CCDC13: variants seen among roughly 807,000 people sequenced by gnomAD.
CCDC13 encodes the protein coiled-coil domain containing 13.
In CCDC13, 70 loss-of-function variants were observed where a neutral mutation model predicts 87.3. That is an observed-to-expected ratio of 0.80 (90% confidence interval 0.66 to 0.98). The LOEUF is 0.98. CCDC13 is among the 50% of genes least tolerant of loss of function. The pLI is 0.00. For synonymous variants in CCDC13, 317 were observed against 360.3 expected (o/e 0.88, Z 1.36); for missense variants, 842 against 892.0 (o/e 0.94, Z 0.71).
intron 15 of CCDC13, 80 bp from the exon 16 acceptor site, chr3:42,709,219 G>A (rs1698244981): frequency 1.4e-6 from 2 of 1,439,016 alleles, no homozygotes; most frequent in East Asian, 4.8e-5. Flanking sequence ...CTGGGAATGT[G>A]GTTGCCAGCA....
intron 15 of CCDC13, 53 bp downstream of exon 15, chr3:42,709,631 G>A: frequency 7.2e-7 from 1 of 1,386,918 alleles, no homozygotes; most frequent in Non-Finnish European, 1.0e-6. Flanking sequence ...GCCCATGGAG[G>A]CACCTCTGCT....
chr3:42,728,260 G>GCC (rs1698736662), intron 13 of CCDC13, among the ~76,000 whole-genome samples: 1 of 152,188 alleles, frequency 6.6e-6, no homozygotes, highest in Admixed American at 6.5e-5. Context: ...GGTGGGGGCA[G>GCC]CCACGCAGAG....
chr3:42,753,821 T>C (rs1237428651), intron 3 of CCDC13, among the ~76,000 whole-genome samples: 2 of 152,110 alleles, frequency 1.3e-5, no homozygotes, highest in African/African-American at 2.4e-5. Flanking sequence ...GCTTAGAGTA[T>C]CTGAGGACCA....
chr3:42,708,847 C>T lies in CCDC13; in HGVS notation c.*133G>A, dbSNP rs1022494798. ...ATTGGTTTTGGTCATCCTTAAGGAGCCTCTTCTGGTAGAAGTGGTTGAGCT... is the reference window on the plus strand; with the variant it reads ...ATTGGTTTTGGTCATCCTTAAGGAGTCTCTTCTGGTAGAAGTGGTTGAGCT... On this transcript the variant is annotated 3_prime_UTR_variant, in exon 16 of 16. Transcript: ENST00000310232. 2.2e-6 allele frequency: 2 copies of T among 904,408 alleles called. No homozygotes were observed. The highest frequency in any genetic ancestry group is 3.3e-6 in the Non-Finnish European group (2 of 612,724). The allele number at this position is 904,408 out of a possible 1,614,324, so 56.0% of individuals were successfully genotyped here. A position where few individuals can be genotyped will look rare whatever the true frequency, so the allele number is the denominator to read the frequency against.
chr3:42,749,840 A>G (rs974112290), intron 5 of CCDC13: 16 of 456,494 alleles, frequency 3.5e-5, no homozygotes, highest in Admixed American at 4.7e-5. Context: ...TGAAGCCCCA[A>G]GCAGAGGGAA....
At chr3:42,755,794 T>A (rs1333795857) in intron 3 of CCDC13, among the ~76,000 whole-genome samples, 1 of 152,124 alleles carries the variant, frequency 6.6e-6, no homozygotes, top group Non-Finnish European at 1.5e-5. Flanking sequence ...AAGAGACAGT[T>A]AACAATGAGA....
chr3:42,733,126 G>A (rs1303774523), intron 11 of CCDC13, among the ~76,000 whole-genome samples, 156 bp from the exon 12 acceptor site: 1 of 152,214 alleles, frequency 6.6e-6, no homozygotes, highest in Non-Finnish European at 1.5e-5. Context: ...CAGAACTCTT[G>A]TTTGCTCAAA....
chr3:42,743,874 G>T (rs1180657270), intron 7 of CCDC13, among the ~76,000 whole-genome samples: 2 of 151,932 alleles, frequency 1.3e-5, no homozygotes, highest in Non-Finnish European at 2.9e-5. Context: ...GGGAAGGCAG[G>T]GTTTGGAAAC....
At chr3:42,718,334 A>C (rs1222166505) in intron 13 of CCDC13, among the ~76,000 whole-genome samples, 2 of 152,190 alleles carry the variant, frequency 1.3e-5, no homozygotes, top group East Asian at 3.8e-4. Flanking sequence ...CAATGCCAGG[A>C]AGTTACCCTA....
At position 42,740,306 on chromosome 3, in the gene CCDC13, T is replaced by G. The variant is rs143321847; in HGVS notation, c.988-496A>C. 6.1e-3 allele frequency among the ~76,000 whole-genome samples: 922 copies of G among 152,312 alleles called. 5 individuals carry two copies. Among genetic ancestry groups the G allele is most frequent in the Non-Finnish European group, 9.4e-3 (641 of 68,028 alleles). ...CTCCATGATTATTTGGCACAACCCC[T>G]GACAGCACCTTGCTTTGTCAGCTAC... On this transcript the variant is annotated intron_variant, in intron 8 of 15. Coordinates refer to ENST00000310232, the MANE Select transcript of CCDC13 (RefSeq NM_144719.4).
At chr3:42,719,535 G>A (rs954070679) in intron 13 of CCDC13, 3 of 152,108 alleles carry the variant, frequency 2.0e-5, no homozygotes, top group African/African-American at 7.2e-5. Flanking sequence ...TGCTTTACGT[G>A]TTTTTCTGTA....
chr3:42,732,787 C>CCT lies in CCDC13; in HGVS notation c.1595+98_1595+99dup. 2.9e-6 allele frequency: 3 copies of CCT among 1,052,388 alleles called. No homozygotes were observed. In the South Asian group the frequency reaches 4.6e-5, roughly 16 times the overall value. 65.2% of individuals were successfully genotyped at this position (1,052,388 alleles called of 1,614,324 possible). On this transcript the variant is annotated intron_variant, in intron 12 of 15. Transcript: ENST00000310232. ...ACCTTGGAAGAGTCCCTGGACTTTG[C>CCT]CTGGCCTCAGTTTCCCCTCCTTTTA...
chr3:42,747,215 C>T (rs765979179), intron 6 of CCDC13, 42 bp downstream of exon 6: 1 of 1,485,316 alleles, frequency 6.7e-7, no homozygotes, highest in Non-Finnish European at 9.4e-7. Flanking sequence ...CCAAGTCCAG[C>T]CCCAGCCACA....
intron 1 of CCDC13, among the ~76,000 whole-genome samples, chr3:42,771,986 G>A (rs1311029615): frequency 1.3e-5 from 2 of 151,954 alleles, no homozygotes; most frequent in African/African-American, 2.4e-5. Flanking sequence ...AAAAGTAAAG[G>A]CTAAGCCGGG....
chr3:42,729,954 A>T (rs975547853), intron 13 of CCDC13, among the ~76,000 whole-genome samples: 2 of 152,214 alleles, frequency 1.3e-5, no homozygotes, highest in African/African-American at 4.8e-5. Flanking sequence ...GCACTGATTT[A>T]TCTGAACGGA....
chr3:42,743,827 C>T (rs926884855), intron 7 of CCDC13, among the ~76,000 whole-genome samples: 2 of 151,680 alleles, frequency 1.3e-5, no homozygotes, highest in South Asian at 2.1e-4. Flanking sequence ...GTGGGCTTCT[C>T]GGAAGATGGC....
At chr3:42,751,199 C>A (rs1272981377) in intron 5 of CCDC13, among the ~76,000 whole-genome samples, 1 of 152,182 alleles carries the variant, frequency 6.6e-6, no homozygotes, top group Non-Finnish European at 1.5e-5. Flanking sequence ...CGGGGCTTGG[C>A]TGCCTCTCTC....
At chr3:42,748,161 T>C (rs1699470802) in intron 5 of CCDC13, among the ~76,000 whole-genome samples, 4 of 152,156 alleles carry the variant, frequency 2.6e-5, no homozygotes, top group Admixed American at 6.5e-5. Context: ...CTGTCTTCAA[T>C]AGACACTCCT....
intron 13 of CCDC13, among the ~76,000 whole-genome samples, chr3:42,713,630 T>A (rs1408946850): frequency 6.6e-6 from 1 of 152,246 alleles, no homozygotes; most frequent in Non-Finnish European, 1.5e-5. Context: ...CTTATGTTGC[T>A]ATTTTTAGGT....
Sources: gnomAD v4.1 joint callset for allele counts (sites outside exome capture counted in the v4.1 genomes callset) on GRCh38, gnomAD v4.1.1 for gene constraint, MANE v1.5 for transcripts, NCBI Gene and HGNC (gene_info 2026-07-23, HGNC 2026-07-21) for gene names.